The following EPB41L2 variants were observed in gnomAD, a reference collection of about 807,000 sequenced individuals.
EPB41L2 encodes the protein band 4.1-like protein 2.
EPB41L2 carries 43 observed loss-of-function variants against 113.0 expected under a neutral mutation model. The ratio of observed to expected loss-of-function variants is 0.38; its 90% CI spans 0.30 to 0.49. The LOEUF (loss-of-function observed/expected upper bound fraction) is 0.49, where lower values mean the gene tolerates loss of function less well. EPB41L2 is among the 20% of genes least tolerant of loss of function. EPB41L2 has a pLI of 0.95. For synonymous variants in EPB41L2, 442 were observed against 436.7 expected, an observed-to-expected ratio of 1.01 and a Z score of -0.15; for missense variants, 1,147 against 1,223.4, an observed-to-expected ratio of 0.94 and a Z score of 0.93.
chr6:130,869,640 C>G lies in EPB41L2; in HGVS notation c.2530G>C (p.Glu844Gln). 2 of 1,614,194 alleles carry G rather than the reference C, an allele frequency of 1.2e-6. No individual in the cohort carries two copies. Among genetic ancestry groups the G allele is most frequent in the Non-Finnish European group, 8.5e-7 (1 of 1,180,026 alleles). Residue 844 changes from glutamate (E) to glutamine (Q), a missense_variant, in exon 15 of 20, where the codon GAA becomes CAA. By Grantham distance (29) the Glu-to-Gln change is conservative. Coordinates refer to ENST00000337057, the MANE Select transcript of EPB41L2 (RefSeq NM_001431.4). ...TCTCCGTTAACTTTCTGTGGCTCTTCCTCTGCTTCTTCTCCCATGTCTTGC... is the reference window on the plus strand; with the variant it reads ...TCTCCGTTAACTTTCTGTGGCTCTTGCTCTGCTTCTTCTCCCATGTCTTGC... ...LKQDMGEEAEEEPQKVNGEVS... is the reference protein window; with the variant it reads ...LKQDMGEEAEQEPQKVNGEVS...
chr6:130,860,207 G>A (rs185081026), intron 18 of EPB41L2, among the ~76,000 whole-genome samples: 100 of 152,248 alleles, frequency 6.6e-4, no homozygotes, highest in African/African-American at 1.7e-3. Context: ...GGAGCCAAAC[G>A]TAGCTACAGA....
chr6:130,989,537 A>C (rs187385787), intron 1 of EPB41L2, among the ~76,000 whole-genome samples: 1 of 152,334 alleles, frequency 6.6e-6, no homozygotes, highest in Admixed American at 6.5e-5. Flanking sequence ...AACTGGTTTA[A>C]GGGAGAGCGT....
chr6:131,038,079 C>A (rs140847153), intron 1 of EPB41L2, among the ~76,000 whole-genome samples: 13 of 152,074 alleles, frequency 8.5e-5, no homozygotes, highest in African/African-American at 3.1e-4. Context: ...TTTTATATTT[C>A]TTTTTATTTT....
At chr6:130,925,240 G>A (rs1320287763) in intron 4 of EPB41L2, among the ~76,000 whole-genome samples, 2 of 143,398 alleles carry the variant, frequency 1.4e-5, no homozygotes, top group Non-Finnish European at 3.0e-5. Flanking sequence ...CCAGGCTGGA[G>A]TGCAGTGGCG....
At chr6:130,862,300 GA>G (rs1285195585) in intron 18 of EPB41L2, among the ~76,000 whole-genome samples, 86 of 90,118 alleles carry the variant, frequency 9.5e-4, no homozygotes, top group Non-Finnish European at 2.1e-4. Flanking sequence ...TCAATGGGGA[GA>G]GGGGGGTGGA....
chr6:131,054,208 T>C (rs1036417378), intron 1 of EPB41L2, among the ~76,000 whole-genome samples: 28 of 152,190 alleles, frequency 1.8e-4, no homozygotes, highest in African/African-American at 6.3e-4. Context: ...CCCACACAGT[T>C]TGTTCATCTC....
At chr6:130,998,125 T>C (rs1356615888) in intron 1 of EPB41L2, among the ~76,000 whole-genome samples, 1 of 152,168 alleles carries the variant, frequency 6.6e-6, no homozygotes, top group East Asian at 1.9e-4. Flanking sequence ...ATGACTCCAT[T>C]TTATAAGTAA....
At chr6:130,965,101 T>C (rs1310279104) in intron 1 of EPB41L2, among the ~76,000 whole-genome samples, 13 of 152,180 alleles carry the variant, frequency 8.5e-5, no homozygotes, top group Non-Finnish European at 1.8e-4. Context: ...TTAGTGACCA[T>C]CAGGATGTGA....
chr6:130,876,516 C>T (rs1303322281), intron 14 of EPB41L2, among the ~76,000 whole-genome samples: 1 of 152,206 alleles, frequency 6.6e-6, no homozygotes, highest in Non-Finnish European at 1.5e-5. Context: ...CAATCCTATG[C>T]TTCTATACAC....
chr6:130,850,843 C>T (rs1778585667), intron 19 of EPB41L2, among the ~76,000 whole-genome samples: 1 of 152,222 alleles, frequency 6.6e-6, no homozygotes, highest in African/African-American at 2.4e-5. Flanking sequence ...CCCAGCACCT[C>T]TTGTGTGGGG....
In EPB41L2 at chr6:130,885,164, C is replaced by T. The variant is rs750132466; in HGVS notation, c.1765G>A (p.Asp589Asn). 2.5e-6 allele frequency: 4 copies of T among 1,614,138 alleles called. No individual in the cohort carries two copies. Among genetic ancestry groups the T allele is most frequent in the Non-Finnish European group, 3.4e-6 (4 of 1,180,020 alleles). The change falls in exon 12 of 20, where the codon GAT (aspartate) becomes AAT (asparagine). Residue 589 changes from aspartate to asparagine, a missense_variant. Physicochemically the swap from Asp to Asn is conservative, Grantham distance 23. Coordinates refer to ENST00000337057, the MANE Select transcript of EPB41L2 (RefSeq NM_001431.4). Reference sequence around the variant, plus strand: ...CTCACTTCCCTCCTGCCGTCCCCATCTTGTACCACGGCAATGCTGACAAGT... The same window carrying T: ...CTCACTTCCCTCCTGCCGTCCCCATTTTGTACCACGGCAATGCTGACAAGT... ...PGLVSIAVVQ[D>N]GDGRREVRSP...
chr6:130,865,066 TA>T (rs1213644585), intron 17 of EPB41L2, among the ~76,000 whole-genome samples: 1 of 152,190 alleles, frequency 6.6e-6, no homozygotes, highest in African/African-American at 2.4e-5. Context: ...TACCCAGTGC[TA>T]AACATTTAGA....
intron 19 of EPB41L2, among the ~76,000 whole-genome samples, chr6:130,856,736 C>T (rs1240680630): frequency 6.6e-6 from 1 of 152,174 alleles, no homozygotes; most frequent in Non-Finnish European, 1.5e-5. Flanking sequence ...AGAAAGTAAT[C>T]TTAGTATGTG....
At chr6:130,916,405 C>T (rs1441147924) in intron 4 of EPB41L2, among the ~76,000 whole-genome samples, 1 of 152,036 alleles carries the variant, frequency 6.6e-6, no homozygotes, top group Non-Finnish European at 1.5e-5. Context: ...CTCAATTATG[C>T]TCTAGTGACA....
chr6:131,021,995 A>C (rs1282961707), intron 1 of EPB41L2, among the ~76,000 whole-genome samples: 1 of 152,144 alleles, frequency 6.6e-6, no homozygotes, highest in Non-Finnish European at 1.5e-5. Context: ...TTTATTGTGC[A>C]CTTTAATTCT....
At chr6:130,985,263 G>C (rs1780266917) in intron 1 of EPB41L2, among the ~76,000 whole-genome samples, 1 of 152,058 alleles carries the variant, frequency 6.6e-6, no homozygotes, top group African/African-American at 2.4e-5. Context: ...CCCCCACTCT[G>C]AGCCCATAAA....
chr6:130,844,370 A>G (rs920207512), intron 19 of EPB41L2, among the ~76,000 whole-genome samples: 11 of 150,904 alleles, frequency 7.3e-5, no homozygotes, highest in African/African-American at 2.7e-4. Flanking sequence ...ACATGGTGAA[A>G]CCATGTGGCC....
chr6:130,966,755 T>C (rs1247989306), intron 1 of EPB41L2, among the ~76,000 whole-genome samples: 1 of 152,134 alleles, frequency 6.6e-6, no homozygotes, highest in East Asian at 1.9e-4. Flanking sequence ...TTAGCCAGCT[T>C]CCTTGGAGAC....
rs898551024 is a variant in EPB41L2, at chr6:130,975,819, T to C, written c.-14-19320A>G. On this transcript the variant is annotated intron_variant, in intron 1 of 19. Transcript: ENST00000337057. Reference sequence around the variant, plus strand: ...TGGGTGGATCACCTGAGGTCAGGAGTTCAAGACCATCCTGGCCAACATGGT... The same window carrying C: ...TGGGTGGATCACCTGAGGTCAGGAGCTCAAGACCATCCTGGCCAACATGGT... 2.0e-5 allele frequency among the ~76,000 whole-genome samples: 3 copies of C among 151,486 alleles called. No homozygotes were observed. The East Asian group carries it at 5.8e-4, about 29-fold the overall frequency.
Sources: gnomAD v4.1 joint callset for allele counts (sites outside exome capture counted in the v4.1 genomes callset) on GRCh38, gnomAD v4.1.1 for gene constraint, MANE v1.5 for transcripts, NCBI Gene and HGNC (gene_info 2026-07-23, HGNC 2026-07-21) for gene names.